The following AGMO variants were observed in gnomAD, a reference collection of about 807,000 sequenced individuals.
AGMO encodes the protein alkylglycerol monooxygenase.
In AGMO, 75 loss-of-function variants were observed where a neutral mutation model predicts 60.2. That is an observed-to-expected ratio of 1.25 (90% CI 1.03 to 1.51). The LOEUF (loss-of-function observed/expected upper bound fraction) is 1.51. Among genes scored for constraint, AGMO ranks in the 40% most tolerant of loss-of-function variants. AGMO has a pLI of 0.00. For synonymous variants in AGMO, 261 were observed against 177.1 expected (o/e 1.47, Z -3.76); for missense variants, 763 against 525.5 (o/e 1.45, Z -4.42).
intron 3 of AGMO, among the ~76,000 whole-genome samples, chr7:15,439,949 C>A (rs1369585686): frequency 6.6e-6 from 1 of 152,116 alleles, no homozygotes; most frequent in Non-Finnish European, 1.5e-5. Context: ...TAATCCCTTC[C>A]AAACTAGAGC....
At position 15,448,616 on chromosome 7, in the gene AGMO, T is replaced by TG. The variant is rs528423393; in HGVS notation, c.410-17509_410-17508insC. On this transcript the variant is annotated intron_variant, in intron 3 of 12. Transcript: ENST00000342526. Reference sequence around the variant, plus strand: ...TGATTTCTCCATAAAGTTTAATTTTTTTTTTTTTTTTTTGCCTAGGCCATT... The same window carrying TG: ...TGATTTCTCCATAAAGTTTAATTTTTGTTTTTTTTTTTTTGCCTAGGCCATT... 2.7e-5 allele frequency among the ~76,000 whole-genome samples: 4 copies of TG among 150,522 alleles called. No individual in the cohort carries two copies. In the South Asian group the frequency reaches 8.3e-4, roughly 31 times the overall value.
Position 15,259,586 on chromosome 7 carries a change from A to T in AGMO, c.1264-58227T>A, listed in dbSNP as rs570847925. ...CTGGGAAACTCATTGCTAAAAGATCATCGCCTAGGCACATAGTCATCAGGT... is the reference window on the plus strand; with the variant it reads ...CTGGGAAACTCATTGCTAAAAGATCTTCGCCTAGGCACATAGTCATCAGGT... On this transcript the variant is annotated intron_variant, in intron 12 of 12. Coordinates refer to ENST00000342526, the MANE Select transcript of AGMO (RefSeq NM_001004320.2). 2.7e-4 allele frequency among the ~76,000 whole-genome samples: 41 copies of T among 152,228 alleles called. 1 individual carries two copies. The highest frequency in any genetic ancestry group is 9.6e-4 in the African/African-American group (40 of 41,542).
At chr7:15,489,696 G>T (rs1209320481) in intron 3 of AGMO, among the ~76,000 whole-genome samples, 1 of 152,180 alleles carries the variant, frequency 6.6e-6, no homozygotes, top group Non-Finnish European at 1.5e-5. Flanking sequence ...CAGTTGAAAT[G>T]AGTGCGTTCA....
chr7:15,391,246 G>C lies in AGMO; in HGVS notation c.677-341C>G, dbSNP rs1277513760. 2.6e-5 allele frequency among the ~76,000 whole-genome samples: 4 copies of C among 151,958 alleles called. No individual in the cohort carries two copies. In the East Asian group the frequency reaches 7.7e-4, roughly 29 times the overall value. ...TTAAATGATACCAAAAATTATAAAT[G>C]AGAAATAAAATCAGAAAACGATGTA... On this transcript the variant is annotated intron_variant, in intron 6 of 12. Coordinates refer to ENST00000342526, the MANE Select transcript of AGMO (RefSeq NM_001004320.2).
chr7:15,189,275 A>G, the AGMO span, among the ~76,000 whole-genome samples: 1 of 152,148 alleles, frequency 6.6e-6, no homozygotes, highest in South Asian at 2.1e-4. Flanking sequence ...TGAAATTTAC[A>G]AATAGGGCCT....
chr7:15,517,065 T>C (rs895738867), intron 3 of AGMO, among the ~76,000 whole-genome samples: 2 of 151,850 alleles, frequency 1.3e-5, no homozygotes, highest in Non-Finnish European at 2.9e-5. Context: ...TTTTAAAAGA[T>C]GAAGAGCTTA....
At chr7:15,339,604 A>C (rs1311739112) in intron 12 of AGMO, among the ~76,000 whole-genome samples, 2 of 152,216 alleles carry the variant, frequency 1.3e-5, no homozygotes, top group Admixed American at 6.5e-5. Flanking sequence ...TTTATGCAGA[A>C]TGTCAGGGCA....
At chr7:15,374,354 G>C (rs1167191853) in intron 10 of AGMO, among the ~76,000 whole-genome samples, 3 of 151,858 alleles carry the variant, frequency 2.0e-5, no homozygotes, top group South Asian at 2.1e-4. Flanking sequence ...ATATATCAAA[G>C]GTGAAAATAT....
At chr7:15,187,437 C>T in the AGMO span, among the ~76,000 whole-genome samples, 1 of 152,166 alleles carries the variant, frequency 6.6e-6, no homozygotes, top group East Asian at 1.9e-4. Flanking sequence ...TACTTTTTGT[C>T]CTTGGATGAC....
Position 15,561,768 on chromosome 7 carries a change from A to T in AGMO, c.78T>A (p.Ser26Arg), listed in dbSNP as rs59147126. 1.2e-6 allele frequency: 2 copies of T among 1,612,232 alleles called. No individual in the cohort carries two copies. Among genetic ancestry groups the T allele is most frequent in the Non-Finnish European group, 1.7e-6 (2 of 1,178,868 alleles). The part of the protein sequence containing the change: ...FRMLFYTMKP[S>R]ETSFQTLEEV... Reference sequence around the variant, plus strand: ...CTTCTAATGTTTGGAATGAAGTTTCACTGGGTTTCATCGTGTAAAACAACA... The same window carrying T: ...CTTCTAATGTTTGGAATGAAGTTTCTCTGGGTTTCATCGTGTAAAACAACA... The change falls in exon 1 of 13, where the codon AGT becomes AGA. Residue 26 changes from serine to arginine, a missense_variant. Transcript: ENST00000342526.
chr7:15,381,156 A>T (rs965944367), intron 10 of AGMO, among the ~76,000 whole-genome samples: 1 of 152,190 alleles, frequency 6.6e-6, no homozygotes, highest in African/African-American at 2.4e-5. Context: ...AAACAATTGC[A>T]ACAAAACCAA....
the AGMO span, among the ~76,000 whole-genome samples, chr7:15,122,202 A>C: frequency 6.6e-6 from 1 of 152,106 alleles, no homozygotes; most frequent in Admixed American, 6.6e-5. Context: ...AACTTAAACA[A>C]ATTTACTAGA....
At chr7:15,325,193 G>T (rs1484754314) in intron 12 of AGMO, among the ~76,000 whole-genome samples, 1 of 152,000 alleles carries the variant, frequency 6.6e-6, no homozygotes, top group Non-Finnish European at 1.5e-5. Context: ...GTTTCATGCA[G>T]TCATGTTTAA....
chr7:15,447,715 TA>T (rs113587296), intron 3 of AGMO, among the ~76,000 whole-genome samples: 42 of 150,958 alleles, frequency 2.8e-4, no homozygotes, highest in African/African-American at 3.9e-4. Flanking sequence ...CACACCTGGC[TA>T]AATTTTTTTT....
intron 12 of AGMO, among the ~76,000 whole-genome samples, chr7:15,242,676 T>C (rs1036343999): frequency 1.3e-5 from 2 of 151,990 alleles, no homozygotes; most frequent in African/African-American, 2.4e-5. Flanking sequence ...AAAACTGAGA[T>C]AGAAATAGAG....
At chr7:15,554,398 C>A (rs2115304469) in intron 2 of AGMO, among the ~76,000 whole-genome samples, 1 of 152,022 alleles carries the variant, frequency 6.6e-6, no homozygotes, top group South Asian at 2.1e-4. Flanking sequence ...CCCTTTTATG[C>A]CTTAAGTTTG....
intron 5 of AGMO, among the ~76,000 whole-genome samples, chr7:15,397,752 T>A (rs930945025): frequency 6.6e-6 from 1 of 152,242 alleles, no homozygotes; most frequent in South Asian, 2.1e-4. Flanking sequence ...GGAGCTCATT[T>A]ATACACCAAA....
At chr7:15,493,502 T>G (rs1398581732) in intron 3 of AGMO, among the ~76,000 whole-genome samples, 4 of 149,948 alleles carry the variant, frequency 2.7e-5, no homozygotes. Context: ...GCCTCCCGCG[T>G]AGCTGGGTCT....
chr7:15,155,302 T>A, the AGMO span, among the ~76,000 whole-genome samples: 1 of 151,906 alleles, frequency 6.6e-6, no homozygotes, highest in South Asian at 2.1e-4. Context: ...ATTAAAAAAT[T>A]TTTTTCTTTA....
Sources: gnomAD v4.1 joint callset for allele counts (sites outside exome capture counted in the v4.1 genomes callset) on GRCh38, gnomAD v4.1.1 for gene constraint, MANE v1.5 for transcripts, NCBI Gene and HGNC (gene_info 2026-07-23, HGNC 2026-07-21) for gene names.